The following ARHGAP40 variants were observed in gnomAD, a reference collection of about 807,000 sequenced individuals.
ARHGAP40 encodes rho GTPase-activating protein 40.
A neutral mutation model predicts 73.5 loss-of-function variants in ARHGAP40; 43 were observed. The observed-to-expected ratio is 0.58, with a 90% CI of 0.46 to 0.75. The LOEUF (loss-of-function observed/expected upper bound fraction) is 0.75, where lower values mean the gene tolerates loss of function less well. Ranked by LOEUF, ARHGAP40 falls within the 30% of genes least tolerant of loss-of-function variation. The pLI is 0.00. For synonymous variants in ARHGAP40, 300 were observed against 352.8 expected, an observed-to-expected ratio of 0.85 and a Z score of 1.68; for missense variants, 734 against 861.8, an observed-to-expected ratio of 0.85 and a Z score of 1.86.
intron 1 of ARHGAP40, among the ~76,000 whole-genome samples, chr20:38,610,616 A>G (rs1485594870): frequency 6.6e-6 from 1 of 152,224 alleles, no homozygotes; most frequent in East Asian, 1.9e-4. Context: ...AAAAGGCGGC[A>G]TATCTTGAAG....
exon 15 of ARHGAP40, chr20:38,649,797 G>C (rs1177276980): frequency 7.7e-7 from 1 of 1,305,108 alleles, no homozygotes; most frequent in African/African-American, 1.5e-5. Context: ...TCTTAGATCT[G>C]TACCGTGCCA....
intron 1 of ARHGAP40, among the ~76,000 whole-genome samples, chr20:38,609,176 G>A (rs574789145): frequency 2.0e-5 from 3 of 152,200 alleles, no homozygotes; most frequent in African/African-American, 2.4e-5. Context: ...CTGCCTACCC[G>A]CAGTCACCCT....
chr20:38,650,651 T>C (rs1393195309), exon 15 of ARHGAP40: 1 of 471,262 alleles, frequency 2.1e-6, no homozygotes, highest in Non-Finnish European at 4.4e-6. Flanking sequence ...AAGTTCAATG[T>C]CACATTTACT....
intron 1 of ARHGAP40, chr20:38,615,570 C>G: frequency 1.9e-6 from 1 of 536,400 alleles, no homozygotes; most frequent in Admixed American, 2.7e-5. Flanking sequence ...CCCGAGATTG[C>G]CTTTCAATCT....
chr20:38,608,515 C>G (rs1376778801), intron 1 of ARHGAP40, among the ~76,000 whole-genome samples: 1 of 152,200 alleles, frequency 6.6e-6, no homozygotes, highest in Non-Finnish European at 1.5e-5. Context: ...GAATGTTTTA[C>G]AGGCCTTACT....
chr20:38,615,211 G>C (rs970191251), intron 1 of ARHGAP40: 4 of 781,530 alleles, frequency 5.1e-6, no homozygotes, highest in African/African-American at 5.1e-5. Context: ...AGGCTGGTGG[G>C]CATTGAGGTA....
In ARHGAP40 at chr20:38,638,665, TC is replaced by T. The variant is rs1284156130; in HGVS notation, c.1042-92del. The T allele has an allele frequency of 4.5e-6, 4 of 885,466 alleles. No homozygotes were observed. In the Admixed American group the frequency reaches 9.9e-5, roughly 22 times the overall value. 54.9% of individuals were successfully genotyped at this position (885,466 alleles called of 1,614,324 possible). On this transcript the variant is annotated intron_variant, in intron 7 of 14. Transcript: ENST00000373345. ...CCGAAGGAAACCCTTCTCCTGGTAC[TC>T]CCCTCTTTCTGATTTTCATGGGAGA...
chr20:38,648,516 C>T (rs1601153673), intron 13 of ARHGAP40, 127 bp from the exon 14 acceptor site: 1 of 715,638 alleles, frequency 1.4e-6, no homozygotes, highest in East Asian at 6.6e-5. Context: ...TGCTGCTTCT[C>T]CCCAGCAGGA....
At chr20:38,650,086 T>C (rs1339137125) in exon 15 of ARHGAP40, 3 of 358,712 alleles carry the variant, frequency 8.4e-6, no homozygotes, top group Non-Finnish European at 1.1e-5. Context: ...ACTGTAGCCA[T>C]GATCAGCCCT....
intron 5 of ARHGAP40, among the ~76,000 whole-genome samples, chr20:38,630,935 T>C (rs2088934390): frequency 6.6e-6 from 1 of 152,150 alleles, no homozygotes; most frequent in Non-Finnish European, 1.5e-5. Context: ...TTAGGTAACA[T>C]TTTACTGAGG....
At chr20:38,621,457 G>A (rs2088872987) in intron 1 of ARHGAP40, among the ~76,000 whole-genome samples, 1 of 152,190 alleles carries the variant, frequency 6.6e-6, no homozygotes, top group Non-Finnish European at 1.5e-5. Flanking sequence ...CAGCTCCTCA[G>A]CAAAGAGCTA....
intron 1 of ARHGAP40, among the ~76,000 whole-genome samples, chr20:38,619,139 G>A (rs1356254363): frequency 2.6e-5 from 4 of 152,214 alleles, no homozygotes; most frequent in Non-Finnish European, 5.9e-5. Context: ...GTCTGAGACA[G>A]GACATTCCAG....
rs16987449 is a variant in ARHGAP40 at position 38,634,846 on chromosome 20, G to A, written c.949+61G>A. 2.0e-3 allele frequency: 2,362 copies of A among 1,198,226 alleles called. 31 individuals are homozygous for A. In the African/African-American group the frequency reaches 0.03, roughly 15 times the overall value. 74.2% of individuals were successfully genotyped at this position (1,198,226 alleles called of 1,614,324 possible). A position where few individuals can be genotyped will look rare whatever the true frequency, so the allele number is the denominator to read the frequency against. On this transcript the variant is annotated intron_variant, in intron 6 of 14. Coordinates refer to ENST00000373345, the Ensembl canonical transcript of ARHGAP40. ...ACAGTCCTCATAGGGAGCTGAACAC[G>A]GACTCTCCCAGCAAGAGATGCTCAG... is the stretch of plus-strand genomic sequence containing the variant.
chr20:38,627,226 T>C lies in ARHGAP40; in HGVS notation c.558+11T>C, dbSNP rs1264680730. On this transcript the variant is annotated intron_variant, in intron 3 of 14. Transcript: ENST00000373345. ...GTCTTCAATTCAGGGGTAAGTGGCATATGGGTCATTGCAGGCCCCGTCTGA... is the reference window on the plus strand; with the variant it reads ...GTCTTCAATTCAGGGGTAAGTGGCACATGGGTCATTGCAGGCCCCGTCTGA... 1 of 1,304,534 alleles carries C rather than the reference T, an allele frequency of 7.7e-7. No individual in the cohort carries two copies. The allele number at this position is 1,304,534 out of a possible 1,614,324, so 80.8% of individuals were successfully genotyped here. A position where few individuals can be genotyped will look rare whatever the true frequency, so the allele number is the denominator to read the frequency against.
chr20:38,629,717 T>G, intron 5 of ARHGAP40, 67 bp downstream of exon 5: 7 of 1,261,566 alleles, frequency 5.5e-6, no homozygotes, highest in Non-Finnish European at 7.3e-6. Context: ...CACCCATCTC[T>G]TCACACCTTC....
intron 7 of ARHGAP40, 47 bp downstream of exon 7, chr20:38,637,846 C>A (rs1189681311): frequency 1.6e-6 from 2 of 1,272,822 alleles, no homozygotes; most frequent in Non-Finnish European, 2.1e-6. Context: ...CCTTCAGAGG[C>A]TGGCTCAGGG....
At chr20:38,610,759 C>A (rs1274370087) in intron 1 of ARHGAP40, among the ~76,000 whole-genome samples, 5 of 152,128 alleles carry the variant, frequency 3.3e-5, no homozygotes, top group Admixed American at 6.5e-5. Flanking sequence ...ACCAATATAC[C>A]AGTTCAGAGT....
intron 11 of ARHGAP40, among the ~76,000 whole-genome samples, chr20:38,644,650 C>T (rs1009340492): frequency 2.1e-5 from 3 of 143,604 alleles, no homozygotes; most frequent in East Asian, 4.2e-4. Flanking sequence ...ATCCCCCCCA[C>T]CCATCTACTT....
chr20:38,623,658 T>G, intron 2 of ARHGAP40, 100 bp downstream of exon 2: 1 of 999,296 alleles, frequency 1.0e-6, no homozygotes, highest in Non-Finnish European at 1.3e-6. Context: ...CATGACAGCA[T>G]TTTCTCTGTT....
Sources: gnomAD v4.1 joint callset for allele counts (sites outside exome capture counted in the v4.1 genomes callset) on GRCh38, gnomAD v4.1.1 for gene constraint, MANE v1.5 for transcripts, NCBI Gene and HGNC (gene_info 2026-07-23, HGNC 2026-07-21) for gene names.